WWC1: variants seen among roughly 807,000 people sequenced by gnomAD.
The protein encoded by WWC1 is protein KIBRA.
In WWC1, 55 loss-of-function variants were observed where a neutral mutation model predicts 138.4. The ratio of observed to expected loss-of-function variants is 0.40; its 90% CI spans 0.32 to 0.50. The LOEUF is 0.50. Ranked by LOEUF, WWC1 falls within the 20% of genes least tolerant of loss-of-function variation. The pLI is 0.72. For missense variants in WWC1, 1,226 were observed against 1,420.4 expected (o/e 0.86, Z 2.20); for synonymous variants, 524 against 564.9 (o/e 0.93, Z 1.03).
intron 3 of WWC1, among the ~76,000 whole-genome samples, chr5:168,395,006 G>T (rs1481362763): frequency 1.3e-5 from 2 of 152,236 alleles, no homozygotes; most frequent in Non-Finnish European, 2.9e-5. Flanking sequence ...CAGGGTATAA[G>T]AATTAAAGCT....
At chr5:168,380,575 G>C (rs1777552977) in intron 2 of WWC1, among the ~76,000 whole-genome samples, 3 of 152,214 alleles carry the variant, frequency 2.0e-5, no homozygotes, top group Admixed American at 1.3e-4. Context: ...CACTGCTGGT[G>C]AGAATGTAAA....
intron 2 of WWC1, among the ~76,000 whole-genome samples, chr5:168,374,321 G>T (rs753227929): frequency 7.9e-5 from 12 of 152,168 alleles, no homozygotes; most frequent in Non-Finnish European, 1.6e-4. Flanking sequence ...GGGAGCTGAG[G>T]TGTATTTGGG....
In WWC1 at chr5:168,472,133, G is replaced by C. The variant is rs959737808; in HGVS notation, c.*3116G>C. 1 of 152,292 alleles carries C rather than the reference G, an allele frequency of 6.6e-6. No individual in the cohort carries two copies. The highest frequency in any genetic ancestry group is 2.4e-5 in the African/African-American group (1 of 41,462). The allele number at this position is 152,292 out of a possible 1,614,324, so 9.4% of individuals were successfully genotyped here. A position where few individuals can be genotyped will look rare whatever the true frequency, so the allele number is the denominator to read the frequency against. Reference sequence around the variant, plus strand: ...AGAAGTGCATCTCAGCATCACTTCAGCTGTCGGGGCATTTGTGGGGAGAAC... The same window carrying C: ...AGAAGTGCATCTCAGCATCACTTCACCTGTCGGGGCATTTGTGGGGAGAAC... On this transcript the variant is annotated 3_prime_UTR_variant, in exon 23 of 23. Transcript: ENST00000265293.
intron 8 of WWC1, among the ~76,000 whole-genome samples, chr5:168,413,254 G>A (rs1162220401): frequency 1.3e-5 from 2 of 152,200 alleles, no homozygotes; most frequent in African/African-American, 4.8e-5. Flanking sequence ...TAGAGATGGG[G>A]TGGCCAGGGC....
At chr5:168,385,020 C>T (rs1288514799) in intron 2 of WWC1, among the ~76,000 whole-genome samples, 191 bp from the exon 3 acceptor site, 5 of 152,102 alleles carry the variant, frequency 3.3e-5, no homozygotes, top group Non-Finnish European at 7.4e-5. Context: ...ACCCAACCCC[C>T]TGGCTTATTA....
rs1769102475 is a variant in WWC1, at chr5:168,292,175, T to C, written c.23T>C (p.Leu8Pro). ...AAGATGCCCCGGCCGGAGCTGCCCC[T>C]GCCGGAGGGCTGGGAGGAGGCGCGC... MPRPELPLPEGWEEARDF... is the reference protein window; with the variant it reads MPRPELPPPEGWEEARDF... Residue 8 changes from leucine to proline, a missense_variant, in exon 1 of 23, where the codon CTG (leucine) becomes CCG (proline). Leu to Pro is a moderately conservative substitution (Grantham distance 98, BLOSUM62 -3). This residue lies in a region of WWC1 where 1,016 missense variants were observed against 1,153.9 expected (regional missense o/e 0.88). Coordinates refer to ENST00000265293, the MANE Select transcript of WWC1 (RefSeq NM_015238.3). The surrounding 1 kb of genome is among the most constrained non-coding windows in gnomAD (Gnocchi z 4.4). The C allele has an allele frequency of 1.3e-6, 2 of 1,546,908 alleles. No individual in the cohort carries two copies. The highest frequency in any genetic ancestry group is 2.0e-5 in the Admixed American group (1 of 50,770).
intron 9 of WWC1, among the ~76,000 whole-genome samples, chr5:168,420,365 C>T (rs1780995201): frequency 6.6e-6 from 1 of 152,152 alleles, no homozygotes; most frequent in South Asian, 2.1e-4. Context: ...CTAATCTCCT[C>T]TTAGAAGGAC....
At chr5:168,398,854 C>T (rs1352521200) in intron 4 of WWC1, among the ~76,000 whole-genome samples, 1 of 152,156 alleles carries the variant, frequency 6.6e-6, no homozygotes, top group South Asian at 2.1e-4. Flanking sequence ...AATGTGGGCC[C>T]AGTGTTACCA....
chr5:168,314,781 T>C (rs1771428308), intron 1 of WWC1, among the ~76,000 whole-genome samples: 1 of 152,134 alleles, frequency 6.6e-6, no homozygotes, highest in African/African-American at 2.4e-5. Flanking sequence ...ATTCACGGGC[T>C]GCAGAGAGAG....
intron 5 of WWC1, among the ~76,000 whole-genome samples, chr5:168,403,258 C>T (rs1282424044): frequency 3.9e-5 from 6 of 151,912 alleles, no homozygotes; most frequent in African/African-American, 1.5e-4. Context: ...CCACCATGCC[C>T]GGCTAATTTT....
chr5:168,424,406 A>T (rs1028434987), intron 11 of WWC1, among the ~76,000 whole-genome samples: 3 of 152,194 alleles, frequency 2.0e-5, no homozygotes, highest in African/African-American at 7.2e-5. Context: ...GTCACTAAGG[A>T]TTCTGTGTTG....
rs576138325 is a variant in WWC1, at chr5:168,470,022, G to A, written c.*1005G>A. The A allele has an allele frequency of 1.3e-5, 2 of 151,626 alleles. No individual in the cohort carries two copies. The highest frequency in any genetic ancestry group is 2.0e-4 in the East Asian group (1 of 5,108). 9.4% of individuals were successfully genotyped at this position (151,626 alleles called of 1,614,324 possible). A position where few individuals can be genotyped will look rare whatever the true frequency, so the allele number is the denominator to read the frequency against. On this transcript the variant is annotated 3_prime_UTR_variant, in exon 23 of 23. Coordinates refer to ENST00000265293, the MANE Select transcript of WWC1 (RefSeq NM_015238.3). ...AATTCCACCCCACCCAGAGAGAGAT[G>A]ACTTCACAGTTTGTTCATATGAGCA...
intron 1 of WWC1, among the ~76,000 whole-genome samples, chr5:168,323,776 G>A (rs1232720190): frequency 6.6e-6 from 1 of 152,076 alleles, no homozygotes; most frequent in East Asian, 1.9e-4. Context: ...ACAGATCCAA[G>A]AAGCCCAATA....
chr5:168,383,434 G>T (rs1191188353), intron 2 of WWC1, among the ~76,000 whole-genome samples: 1 of 152,114 alleles, frequency 6.6e-6, no homozygotes, highest in Non-Finnish European at 1.5e-5. Context: ...TGAGAACTTG[G>T]CCCTGCTGCT....
intron 19 of WWC1, 59 bp from the exon 20 acceptor site, chr5:168,460,591 G>T: frequency 6.4e-7 from 1 of 1,571,344 alleles, no homozygotes; most frequent in Non-Finnish European, 8.7e-7. Flanking sequence ...CTAGGCTTCA[G>T]TGCACCTTCC....
At chr5:168,438,255 T>A (rs1754419172) in intron 15 of WWC1, among the ~76,000 whole-genome samples, 1 of 152,086 alleles carries the variant, frequency 6.6e-6, no homozygotes, top group African/African-American at 2.4e-5. Context: ...GTAGCCCCCA[T>A]AATCCCCATG....
intron 21 of WWC1, among the ~76,000 whole-genome samples, chr5:168,467,232 T>C (rs1240142441): frequency 6.6e-6 from 1 of 152,256 alleles, no homozygotes; most frequent in Non-Finnish European, 1.5e-5. Flanking sequence ...CACTCCAGCC[T>C]GGGCGACAGA....
At chr5:168,315,782 A>G (rs1201153721) in intron 1 of WWC1, among the ~76,000 whole-genome samples, 1 of 151,986 alleles carries the variant, frequency 6.6e-6, no homozygotes, top group African/African-American at 2.4e-5. Flanking sequence ...AGAAGCTGTC[A>G]CCTTCTGACT....
chr5:168,294,665 C>T (rs1024786113), intron 1 of WWC1, among the ~76,000 whole-genome samples: 6 of 152,190 alleles, frequency 3.9e-5, no homozygotes, highest in East Asian at 1.9e-4. Flanking sequence ...CTCGCTCTGT[C>T]GCCCAGGCTG....
Sources: allele counts gnomAD v4.1 joint callset (sites outside exome capture counted in the v4.1 genomes callset), GRCh38; gene constraint gnomAD v4.1.1; regional missense constraint gnomAD v4.1.1; non-coding constraint Gnocchi (gnomAD v3.1); transcripts MANE v1.5; gene names NCBI Gene and HGNC (gene_info 2026-07-23, HGNC 2026-07-21).